The following ZNF69 variants were observed in gnomAD, a reference collection of about 807,000 sequenced individuals.
ZNF69 encodes the protein zinc finger protein 69, also known as ZNF3.
A neutral mutation model predicts 50.9 loss-of-function variants in ZNF69; 47 were observed. That is an observed-to-expected ratio of 0.92 (90% confidence interval 0.73 to 1.18). ZNF69 has a LOEUF of 1.18. Ranked by LOEUF, ZNF69 falls within the 50% of genes most tolerant of loss-of-function variation. The pLI, the probability that ZNF69 is intolerant of heterozygous loss-of-function variation, is 0.00. For missense variants in ZNF69, 717 were observed against 675.1 expected (o/e 1.06, Z -0.69); for synonymous variants, 216 against 223.1 (o/e 0.97, Z 0.29).
the ZNF69 span, among the ~76,000 whole-genome samples, chr19:11,941,346 G>C: frequency 6.6e-6 from 1 of 152,252 alleles, no homozygotes; most frequent in African/African-American, 2.4e-5. Flanking sequence ...TGGAGCAGGG[G>C]GCGGCGCTCA....
the ZNF69 span, among the ~76,000 whole-genome samples, chr19:11,957,585 C>T: frequency 6.6e-6 from 1 of 152,074 alleles, no homozygotes; most frequent in African/African-American, 2.4e-5. Context: ...TGGCTCATGC[C>T]TGTAATCCCA....
the ZNF69 span, chr19:11,950,590 G>C: frequency 4.0e-6 from 2 of 499,398 alleles, no homozygotes; most frequent in South Asian, 3.8e-5. Context: ...CGGCATGGAA[G>C]GGTTCACACT....
At chr19:11,950,087 C>A in the ZNF69 span, 1 of 1,614,168 alleles carries the variant, frequency 6.2e-7, no homozygotes, top group South Asian at 1.1e-5. Context: ...TTCACATCTG[C>A]CAAGATTCTT....
At chr19:11,927,559 G>T in the ZNF69 span, among the ~76,000 whole-genome samples, 1 of 152,162 alleles carries the variant, frequency 6.6e-6, no homozygotes, top group African/African-American at 2.4e-5. Context: ...TTTTTCTTAT[G>T]TAGGGATCTT....
At chr19:11,949,317 A>G in the ZNF69 span, 3 of 1,612,988 alleles carry the variant, frequency 1.9e-6, no homozygotes, top group Non-Finnish European at 2.5e-6. Flanking sequence ...GATCTGCCTC[A>G]CAGCTTCGAG....
At chr19:11,976,366 T>G in the ZNF69 span, among the ~76,000 whole-genome samples, 1 of 151,794 alleles carries the variant, frequency 6.6e-6, no homozygotes, top group Non-Finnish European at 1.5e-5. Flanking sequence ...CACTGTGGCT[T>G]TACCCCTTGT....
At chr19:11,895,329 T>A (rs1977199294) in intron 1 of ZNF69, among the ~76,000 whole-genome samples, 1 of 152,170 alleles carries the variant, frequency 6.6e-6, no homozygotes, top group Non-Finnish European at 1.5e-5. Context: ...GGGGAGAACA[T>A]CCAGGATGCA....
At chr19:11,944,082 C>T in the ZNF69 span, among the ~76,000 whole-genome samples, 3 of 151,586 alleles carry the variant, frequency 2.0e-5, no homozygotes, top group Non-Finnish European at 4.4e-5. Flanking sequence ...GTCCTTGATC[C>T]ACACTCTATT....
the ZNF69 span, among the ~76,000 whole-genome samples, chr19:11,928,664 G>A: frequency 1.4e-5 from 2 of 145,276 alleles, no homozygotes; most frequent in Admixed American, 6.7e-5. Context: ...CCCGGGAGGC[G>A]GAGCTTGCAG....
chr19:11,900,421 C>T (rs1277968597), intron 1 of ZNF69, among the ~76,000 whole-genome samples: 5 of 151,234 alleles, frequency 3.3e-5, no homozygotes, highest in African/African-American at 1.2e-4. Flanking sequence ...GGCGTGATCT[C>T]GGCTCACTGC....
chr19:11,952,139 A>G, the ZNF69 span, among the ~76,000 whole-genome samples: 1 of 152,124 alleles, frequency 6.6e-6, no homozygotes, highest in Non-Finnish European at 1.5e-5. Flanking sequence ...AGATGGCGCC[A>G]TTGCACTCCT....
At position 11,905,361 on chromosome 19, in the gene ZNF69, C is replaced by T. The variant is rs780051556; in HGVS notation, c.964C>T (p.His322Tyr). 12 of 1,614,128 alleles carry T rather than the reference C, an allele frequency of 7.4e-6. No homozygotes were observed. The highest frequency in any genetic ancestry group is 3.3e-4 in the Middle Eastern group (2 of 6,062). Residue 322 changes from histidine to tyrosine, a missense_variant, in exon 4 of 4, where the codon CAT becomes TAT. Transcript: ENST00000429654. ...CACGTGTCCCCAGTATGTTCGTATA[C>T]ATGAAAGGACCCACTCTAGGAAAAA... ...AFTCPQYVRIHERTHSRKKPY... is the reference protein window; with the variant it reads ...AFTCPQYVRIYERTHSRKKPY...
At chr19:11,915,134 C>T (rs1054283073), downstream of ZNF69, among the ~76,000 whole-genome samples, 2 of 152,104 alleles carry the variant, frequency 1.3e-5, no homozygotes, top group Non-Finnish European at 2.9e-5. Context: ...AGCCTGGAGA[C>T]AGAGGTTACA....
At chr19:11,951,720 G>A in the ZNF69 span, among the ~76,000 whole-genome samples, 1 of 152,214 alleles carries the variant, frequency 6.6e-6, no homozygotes, top group African/African-American at 2.4e-5. Flanking sequence ...AGTAAGAAGA[G>A]AAAAATTTTG....
chr19:11,906,241 A>C lies in ZNF69; in HGVS notation c.*143A>C. The C allele has an allele frequency of 1.3e-6, 2 of 1,509,044 alleles. No individual in the cohort carries two copies. Among genetic ancestry groups the C allele is most frequent in the Non-Finnish European group, 8.8e-7 (1 of 1,137,114 alleles). 93.5% of individuals were successfully genotyped at this position (1,509,044 alleles called of 1,614,324 possible). ...TCAGTAAAGGACACAAGCACACATA[A>C]GAATGCATTCTGGATAGCTGAACAA... On this transcript the variant is annotated 3_prime_UTR_variant, in exon 4 of 4. Transcript: ENST00000429654.
chr19:11,950,288 C>T, the ZNF69 span: 7 of 1,580,546 alleles, frequency 4.4e-6, no homozygotes, highest in East Asian at 1.3e-4. Flanking sequence ...TAGACTCACA[C>T]TGGAAGGAAG....
the ZNF69 span, among the ~76,000 whole-genome samples, chr19:11,974,071 TTC>T: frequency 2.1e-4 from 13 of 61,146 alleles, no homozygotes; most frequent in Admixed American, 1.7e-3. Context: ...CTTCTTTCTT[TTC>T]TTTCTTTCTT....
the ZNF69 span, chr19:11,949,482 G>A: frequency 6.2e-7 from 1 of 1,606,636 alleles, no homozygotes; most frequent in South Asian, 1.1e-5. Context: ...TCAGATATGT[G>A]AAGCACCTTC....
chr19:11,905,355 C>T lies in ZNF69; in HGVS notation c.958C>T (p.Arg320Cys), dbSNP rs753872043. The change falls in exon 4 of 4, where the codon CGT (arginine) becomes TGT (cysteine). Residue 320 changes from arginine to cysteine, a missense_variant. Physicochemically the swap from Arg to Cys is radical, Grantham distance 180. Coordinates refer to ENST00000429654, the MANE Select transcript of ZNF69 (RefSeq NM_001364730.1). ...GKAFTCPQYVRIHERTHSRKK... is the reference protein window; with the variant it reads ...GKAFTCPQYVCIHERTHSRKK... Reference sequence around the variant, plus strand: ...AGCATTCACGTGTCCCCAGTATGTTCGTATACATGAAAGGACCCACTCTAG... The same window carrying T: ...AGCATTCACGTGTCCCCAGTATGTTTGTATACATGAAAGGACCCACTCTAG... The T allele has an allele frequency of 2.4e-5, 38 of 1,613,878 alleles. No individual in the cohort carries two copies. The South Asian group carries it at 2.9e-4, about 12-fold the overall frequency.
Sources: gnomAD v4.1 joint callset for allele counts (sites outside exome capture counted in the v4.1 genomes callset) on GRCh38, gnomAD v4.1.1 for gene constraint, MANE v1.5 for transcripts, NCBI Gene and HGNC (gene_info 2026-07-23, HGNC 2026-07-21) for gene names.